The following IL4R variants were observed in gnomAD, a reference collection of about 807,000 sequenced individuals.
The protein encoded by IL4R is interleukin 4 receptor.
A neutral mutation model predicts 41.5 loss-of-function variants in IL4R; 17 were observed. The observed-to-expected ratio is 0.41, with a 90% CI of 0.28 to 0.61. The LOEUF (loss-of-function observed/expected upper bound fraction) is 0.61, where lower values mean the gene tolerates loss of function less well. Among genes scored for constraint, IL4R ranks in the 20% least tolerant of loss-of-function variants. IL4R has a pLI of 0.31. For synonymous variants in IL4R, 402 were observed against 422.9 expected (o/e 0.95, Z 0.61); for missense variants, 974 against 1,043.1 (o/e 0.93, Z 0.91).
At chr16:27,353,192 A>G (rs1250196174) in intron 7 of IL4R, among the ~76,000 whole-genome samples, 1 of 152,218 alleles carries the variant, frequency 6.6e-6, no homozygotes, top group Non-Finnish European at 1.5e-5. Context: ...GCATGGTGGC[A>G]TGCACCTGTA....
At chr16:27,362,115 T>G (rs2086314639) in intron 10 of IL4R, 137 bp from the exon 11 acceptor site, 3 of 833,220 alleles carry the variant, frequency 3.6e-6, no homozygotes, top group Non-Finnish European at 5.8e-6. Flanking sequence ...GACTGATCAA[T>G]TACTGATTAT....
chr16:27,319,371 G>A (rs2084743195), intron 1 of IL4R, among the ~76,000 whole-genome samples: 1 of 152,232 alleles, frequency 6.6e-6, no homozygotes, highest in Non-Finnish European at 1.5e-5. Flanking sequence ...CTTGTCCAGG[G>A]TCACACACCT....
Position 27,355,729 on chromosome 16 carries a change from T to C in IL4R, c.671-79T>C, listed in dbSNP as rs182889736. On this transcript the variant is annotated intron_variant, in intron 7 of 10. Transcript: ENST00000395762. ...GGGTCTCGGACGAGGGTCCTGACCC[T>C]GGGTCTCCAGTCCTGGGAAGTGGAG... The C allele has an allele frequency of 2.1e-5, 21 of 987,498 alleles. No individual in the cohort carries two copies. In the African/African-American group the frequency reaches 2.9e-4, roughly 13 times the overall value. 61.2% of individuals were successfully genotyped at this position (987,498 alleles called of 1,614,324 possible). A position where few individuals can be genotyped will look rare whatever the true frequency, so the allele number is the denominator to read the frequency against.
upstream of IL4R, chr16:27,313,836 G>C: frequency 2.4e-6 from 2 of 838,570 alleles, no homozygotes; most frequent in Non-Finnish European, 2.9e-6. Flanking sequence ...GACCCGGGCC[G>C]GGCGCGCCGG....
chr16:27,325,856 T>C (rs112768946), intron 1 of IL4R, among the ~76,000 whole-genome samples: 80 of 152,182 alleles, frequency 5.3e-4, no homozygotes, highest in African/African-American at 1.9e-3. Context: ...CCTCTGCTAA[T>C]CTGAAGTCCT....
Position 27,344,890 on chromosome 16 carries a change from G to A in IL4R, c.231G>A (p.Glu77=), listed in dbSNP as rs1011903425. The part of the protein sequence containing the change: ...LLSEAHTCIP[E]NNGGAGCVCH... ...GCAGAGCCCACACGTGTATCCCTGAGAACAACGGAGGCGCGGGGTGCGTGT... is the reference window on the plus strand; with the variant it reads ...GCAGAGCCCACACGTGTATCCCTGAAAACAACGGAGGCGCGGGGTGCGTGT... Residue 77 remains glutamate (E), a synonymous_variant, in exon 5 of 11, where the codon GAG becomes GAA. Transcript: ENST00000395762. 2 of 1,614,222 alleles carry A rather than the reference G, an allele frequency of 1.2e-6. No individual in the cohort carries two copies. Among genetic ancestry groups the A allele is most frequent in the East Asian group, 2.2e-5 (1 of 44,892 alleles).
intron 1 of IL4R, among the ~76,000 whole-genome samples, chr16:27,323,032 G>T (rs775364167): frequency 1.2e-4 from 19 of 152,152 alleles, no homozygotes; most frequent in Non-Finnish European, 1.8e-4. Context: ...CCCCATGTCT[G>T]TGTGTCCCCA....
rs149694606 is a variant in IL4R, at chr16:27,325,709, T to G, written c.-151-4357T>G. ...TATACCTGTTAAAATAAGAATAAAA[T>G]AAAATACACATGCTCACTTATTGAG... On this transcript the variant is annotated intron_variant, in intron 1 of 10. Coordinates refer to ENST00000395762, the MANE Select transcript of IL4R (RefSeq NM_000418.4). 9.2e-3 allele frequency among the ~76,000 whole-genome samples: 1,405 copies of G among 152,116 alleles called. 37 individuals are homozygous for G. Among genetic ancestry groups the G allele is most frequent in the Non-Finnish European group, 0.012 (804 of 67,944 alleles).
chr16:27,341,152 A>G, intron 3 of IL4R: 1 of 692,918 alleles, frequency 1.4e-6, no homozygotes, highest in Non-Finnish European at 2.6e-6. Flanking sequence ...AGGAGATGAG[A>G]GGCTCCGGAT....
rs767597044 is a variant in IL4R, at chr16:27,362,682, C to T, written c.1330C>T (p.Pro444Ser). 1.2e-6 allele frequency: 2 copies of T among 1,614,122 alleles called. No individual in the cohort carries two copies. The highest frequency in any genetic ancestry group is 1.7e-6 in the Non-Finnish European group (2 of 1,179,994). Residue 444 changes from proline to serine, a missense_variant, in exon 11 of 11, where the codon CCC becomes TCC. Around this residue, in one of 3 missense-constraint regions of IL4R, gnomAD observed 682 missense variants for 704.3 expected, o/e 0.97. Coordinates refer to ENST00000395762, the MANE Select transcript of IL4R (RefSeq NM_000418.4). Reference protein sequence around the residue: ...PPSGSTSAHMPWDEFPSAGPK... With the variant: ...PPSGSTSAHMSWDEFPSAGPK... ...TTCGGGAAGTACGAGTGCTCACATG[C>T]CCTGGGATGAGTTCCCAAGTGCAGG... is the stretch of plus-strand genomic sequence containing the variant.
chr16:27,359,204 G>T (rs2086197500), intron 9 of IL4R, among the ~76,000 whole-genome samples: 1 of 152,198 alleles, frequency 6.6e-6, no homozygotes, highest in African/African-American at 2.4e-5. Flanking sequence ...CCAGCCTGGG[G>T]TGGGCTTCTC....
intron 2 of IL4R, among the ~76,000 whole-genome samples, chr16:27,338,916 C>T (rs148946294): frequency 4.6e-5 from 7 of 152,158 alleles, no homozygotes; most frequent in South Asian, 4.2e-4. Flanking sequence ...TACAATGACG[C>T]GATCTCGACT....
rs1298907001 is a variant in IL4R at position 27,362,799 on chromosome 16, A to G, written c.1447A>G (p.Thr483Ala). 6.2e-7 allele frequency: 1 copy of G among 1,614,018 alleles called. No individual in the cohort carries two copies. The highest frequency in any genetic ancestry group is 2.2e-5 in the East Asian group (1 of 44,888). Residue 483 changes from threonine (T) to alanine (A), a missense_variant, in exon 11 of 11, where the codon ACT (threonine) becomes GCT (alanine). By Grantham distance (58) the Thr-to-Ala change is moderately conservative (BLOSUM62 0). This residue lies in a region of IL4R where 682 missense variants were observed against 704.3 expected (regional missense o/e 0.97). Transcript: ENST00000395762. ...CCCGACCCAGAGTCCAGACAACCTGACTTGCACAGAGACGCCCCTCGTCAT... is the reference window on the plus strand; with the variant it reads ...CCCGACCCAGAGTCCAGACAACCTGGCTTGCACAGAGACGCCCCTCGTCAT... ...ASPTQSPDNLTCTETPLVIAG... is the reference protein window; with the variant it reads ...ASPTQSPDNLACTETPLVIAG...
At chr16:27,343,411 T>TTTTGTTTG (rs144213170) in intron 4 of IL4R, among the ~76,000 whole-genome samples, 12 of 151,536 alleles carry the variant, frequency 7.9e-5, no homozygotes, top group Middle Eastern at 3.4e-3. Context: ...CCTTTATGTT[T>TTTTGTTTG]TTTGTTTGTT....
intron 2 of IL4R, among the ~76,000 whole-genome samples, chr16:27,331,745 T>C (rs1458778206): frequency 6.6e-6 from 1 of 152,098 alleles, no homozygotes; most frequent in African/African-American, 2.4e-5. Context: ...GCTGGATCTG[T>C]CGATTACCAA....
rs573297550 is a variant in IL4R at position 27,346,764 on chromosome 16, C to T, written c.513+146C>T. ...CCCAGGAGCTAGAGACCTGGCTTCT[C>T]ACCTGGCTCTGCACTAGGCAAGTCC... On this transcript the variant is annotated intron_variant, in intron 6 of 10. Coordinates refer to ENST00000395762, the MANE Select transcript of IL4R (RefSeq NM_000418.4). 5.8e-6 allele frequency: 5 copies of T among 855,688 alleles called. No homozygotes were observed. The African/African-American group carries it at 6.7e-5, about 11-fold the overall frequency. The allele number at this position is 855,688 out of a possible 1,614,324, so 53.0% of individuals were successfully genotyped here. A position where few individuals can be genotyped will look rare whatever the true frequency, so the allele number is the denominator to read the frequency against.
intron 6 of IL4R, 24 bp from the exon 7 acceptor site, chr16:27,352,516 T>C: frequency 1.9e-6 from 3 of 1,610,628 alleles, no homozygotes; most frequent in Non-Finnish European, 2.5e-6. Context: ...GCTGGTGCCC[T>C]AACATCTCCC....
rs3024663 is a variant in IL4R, at chr16:27,360,099, C to G, written c.850-667C>G. 3.1e-3 allele frequency among the ~76,000 whole-genome samples: 467 copies of G among 152,074 alleles called. 4 individuals are homozygous for G. Among genetic ancestry groups the G allele is most frequent in the African/African-American group, 0.011 (442 of 41,472 alleles). On this transcript the variant is annotated intron_variant, in intron 9 of 10. Coordinates refer to ENST00000395762, the MANE Select transcript of IL4R (RefSeq NM_000418.4). ...GCGTGATCTTGGCTCACTGCAACCTCTGCTTCCTGGGTTCAAGCAATTTTC... is the reference window on the plus strand; with the variant it reads ...GCGTGATCTTGGCTCACTGCAACCTGTGCTTCCTGGGTTCAAGCAATTTTC...
In IL4R at chr16:27,341,389, A is replaced by G. The variant is rs113728502; in HGVS notation, c.71-732A>G. ...GCTTGGAATATTTATTTGCTATCTA[A>G]GACAGCTCCTTAACATGGTAAGCCC... On this transcript the variant is annotated intron_variant, in intron 3 of 10. Coordinates refer to ENST00000395762, the MANE Select transcript of IL4R (RefSeq NM_000418.4). The G allele has an allele frequency of 1.4e-3, 842 of 585,420 alleles. 5 individuals are homozygous for G. Among genetic ancestry groups the G allele is most frequent in the African/African-American group, 0.014 (768 of 53,766 alleles). 36.3% of individuals were successfully genotyped at this position (585,420 alleles called of 1,614,324 possible).
Sources: gnomAD v4.1 joint callset for allele counts (sites outside exome capture counted in the v4.1 genomes callset) on GRCh38, gnomAD v4.1.1 for gene constraint, gnomAD v4.1.1 regional missense constraint, MANE v1.5 for transcripts, NCBI Gene and HGNC (gene_info 2026-07-23, HGNC 2026-07-21) for gene names.